Variants in SLC37A1 observed in about 807,000 individuals in gnomAD.
The protein encoded by SLC37A1 is solute carrier family 37 member 1.
Under a neutral mutation model 75.3 loss-of-function variants are expected in SLC37A1, and 49 were observed. The observed-to-expected ratio is 0.65, with a 90% CI of 0.52 to 0.83. The LOEUF (loss-of-function observed/expected upper bound fraction) is 0.83. Ranked by LOEUF, SLC37A1 falls within the 40% of genes least tolerant of loss-of-function variation. SLC37A1 has a pLI of 0.00. For synonymous variants in SLC37A1, 268 were observed against 292.1 expected, an observed-to-expected ratio of 0.92 and a Z score of 0.84; for missense variants, 566 against 695.0, an observed-to-expected ratio of 0.81 and a Z score of 2.09.
At chr21:42,560,739 GT>G (rs1432710626) in intron 11 of SLC37A1, among the ~76,000 whole-genome samples, 1 of 152,240 alleles carries the variant, frequency 6.6e-6, no homozygotes, top group Non-Finnish European at 1.5e-5. Context: ...CTGGGTTTAA[GT>G]AAAAAGATTT....
rs966106678 is a variant in SLC37A1 at position 42,552,242 on chromosome 21, T to C, written c.769-1820T>C. On this transcript the variant is annotated intron_variant, in intron 9 of 19. Transcript: ENST00000352133. The surrounding 1 kb of genome is among the most constrained non-coding windows in gnomAD (Gnocchi z 4.2). The stretch of plus-strand genomic sequence containing the variant: ...TTTTGTGCCCTAATCTAGGACCTCA[T>C]TGGGTCCAAAACCCTGTATCAGTTG... 1.3e-5 allele frequency among the ~76,000 whole-genome samples: 2 copies of C among 152,238 alleles called. No homozygotes were observed. Among genetic ancestry groups the C allele is most frequent in the African/African-American group, 4.8e-5 (2 of 41,470 alleles).
chr21:42,534,113 T>G (rs961274811), intron 3 of SLC37A1, among the ~76,000 whole-genome samples: 2 of 152,192 alleles, frequency 1.3e-5, no homozygotes, highest in African/African-American at 4.8e-5. Flanking sequence ...TGTCCCACAT[T>G]GTCCCCCTTT....
intron 17 of SLC37A1, among the ~76,000 whole-genome samples, chr21:42,569,856 C>T (rs971341280): frequency 2.6e-5 from 4 of 152,368 alleles, no homozygotes; most frequent in African/African-American, 9.6e-5. Flanking sequence ...GGGGCCCAGG[C>T]GGCTGACTGC....
chr21:42,556,420 A>T lies in SLC37A1; in HGVS notation c.849+2278A>T, dbSNP rs923141129. Among the ~76,000 whole-genome samples the T allele has an allele frequency of 2.6e-5, 4 of 152,192 alleles. No individual in the cohort carries two copies. In the South Asian group the frequency reaches 8.3e-4, roughly 32 times the overall value. On this transcript the variant is annotated intron_variant, in intron 10 of 19. Coordinates refer to ENST00000352133, the MANE Select transcript of SLC37A1 (RefSeq NM_001320537.2). ...GGGGACTCCACAAATCTCTCTTGTG[A>T]TGGCCTTTCCCAAAGGGAAGCTGCA...
At chr21:42,553,759 A>G (rs767786044) in intron 9 of SLC37A1, among the ~76,000 whole-genome samples, 9 of 151,860 alleles carry the variant, frequency 5.9e-5, no homozygotes, top group Non-Finnish European at 1.3e-4. Context: ...GTGCCTTTTC[A>G]TTTCAAAACC....
At chr21:42,530,635 CA>C (rs1568996964) in intron 3 of SLC37A1, among the ~76,000 whole-genome samples, 7 of 39,820 alleles carry the variant, frequency 1.8e-4, no homozygotes, top group South Asian at 6.5e-4. Context: ...CACACACACA[CA>C]CACACACACA....
intron 12 of SLC37A1, among the ~76,000 whole-genome samples, chr21:42,563,256 G>A (rs1042869172): frequency 6.6e-6 from 1 of 152,184 alleles, no homozygotes; most frequent in African/African-American, 2.4e-5. Context: ...TTGAACTGCT[G>A]ACATTTCCAG....
intron 5 of SLC37A1, among the ~76,000 whole-genome samples, chr21:42,537,003 G>A (rs138852290): frequency 5.3e-5 from 8 of 152,250 alleles, no homozygotes; most frequent in Admixed American, 2.0e-4. Flanking sequence ...GGTCTTTACC[G>A]CCTGGAGAAA....
chr21:42,535,640 G>A (rs1006895209), intron 5 of SLC37A1, 90 bp downstream of exon 5: 36 of 1,157,102 alleles, frequency 3.1e-5, no homozygotes, highest in East Asian at 1.4e-4. Context: ...GCACAGGCGC[G>A]CGGGATTGAG....
At chr21:42,513,410 T>C (rs111486343), upstream of SLC37A1, among the ~76,000 whole-genome samples, 1,229 of 152,294 alleles carry the variant, frequency 8.1e-3, 8 homozygotes, top group African/African-American at 0.012. Context: ...TTCATGATTG[T>C]GCCCCTTGAC....
At position 42,579,789 on chromosome 21, in the gene SLC37A1, G is replaced by C. The variant is rs768750689; in HGVS notation, c.1575G>C (p.Gly525=). 7 of 1,614,036 alleles carry C rather than the reference G, an allele frequency of 4.3e-6. No homozygotes were observed. Among genetic ancestry groups the C allele is most frequent in the Middle Eastern group, 1.6e-4 (1 of 6,084 alleles). ...KELSCPGSAT[G]DQVPFKEQ ...TGAGCTGCCCAGGGTCAGCTACGGG[G>C]GACCAAGTTCCGTAAGTCCCACTCG... Residue 525 remains glycine, a synonymous_variant, in exon 19 of 20, where the codon GGG becomes GGC. Coordinates refer to ENST00000352133, the MANE Select transcript of SLC37A1 (RefSeq NM_001320537.2).
chr21:42,536,439 C>G (rs2055139258), intron 5 of SLC37A1, among the ~76,000 whole-genome samples: 1 of 152,128 alleles, frequency 6.6e-6, no homozygotes, highest in Non-Finnish European at 1.5e-5. Context: ...GTGTGATTGG[C>G]TGATTAAAAA....
chr21:42,562,872 G>C (rs2146986033), intron 12 of SLC37A1, among the ~76,000 whole-genome samples: 1 of 152,286 alleles, frequency 6.6e-6, no homozygotes, highest in African/African-American at 2.4e-5. Flanking sequence ...GGCCGTCAGG[G>C]AGGGGCAGAA....
At chr21:42,505,611 C>G (rs1040103104) in intron 2 of SLC37A1, among the ~76,000 whole-genome samples, 20 of 152,170 alleles carry the variant, frequency 1.3e-4, no homozygotes, top group African/African-American at 4.8e-4. Flanking sequence ...CTTGTGGCTT[C>G]AGCCCCCAGC....
intron 5 of SLC37A1, among the ~76,000 whole-genome samples, chr21:42,536,685 G>A (rs1379003357): frequency 1.3e-5 from 2 of 152,220 alleles, no homozygotes; most frequent in East Asian, 3.8e-4. Flanking sequence ...CCTGTGAGAT[G>A]GGTTAGCAGT....
In SLC37A1 at chr21:42,554,105, A is replaced by T; in HGVS notation, c.812A>T (p.Gln271Leu). Residue 271 changes from glutamine to leucine, a missense_variant, in exon 10 of 20, where the codon CAG becomes CTG. Physicochemically the swap from Gln to Leu is moderately radical, Grantham distance 113. Coordinates refer to ENST00000352133, the MANE Select transcript of SLC37A1 (RefSeq NM_001320537.2). ...YENGTNRLRL[Q>L]KQILKSEKNK... ...AATGGTACAAACAGATTGAGACTCC[A>T]GAAGCAAATCTTGAAGAGCGAAAAG... 1 of 1,613,852 alleles carries T rather than the reference A, an allele frequency of 6.2e-7. No homozygotes were observed.
intron 17 of SLC37A1, among the ~76,000 whole-genome samples, chr21:42,569,504 TGCCGCACTCCCTC>T (rs1445747190): frequency 3.2e-4 from 6 of 18,852 alleles, no homozygotes; most frequent in East Asian, 1.9e-3. Context: ...CACTCCCTCG[TGCCGCACTCCCTC>T]GTGCCGCACT....
At position 42,568,357 on chromosome 21, in the gene SLC37A1, T is replaced by C; in HGVS notation, c.1345-3T>C. The stretch of plus-strand genomic sequence containing the variant: ...CTGCACGTCTGTTTTTCCTCTCTTC[T>C]AGGGGACTCATAAAAGTCTGAAAGG... On this transcript the variant is annotated splice_region_variant and splice_polypyrimidine_tract_variant and intron_variant, in intron 16 of 19. Transcript: ENST00000352133. 6.2e-7 allele frequency: 1 copy of C among 1,613,690 alleles called. No homozygotes were observed. The highest frequency in any genetic ancestry group is 8.5e-7 in the Non-Finnish European group (1 of 1,179,676).
At chr21:42,551,143 G>C (rs1464557439) in intron 9 of SLC37A1, among the ~76,000 whole-genome samples, 2 of 152,330 alleles carry the variant, frequency 1.3e-5, no homozygotes, top group African/African-American at 4.8e-5. Flanking sequence ...CAGATGACAT[G>C]ATCTTTTATA....
Sources: allele counts gnomAD v4.1 joint callset (sites outside exome capture counted in the v4.1 genomes callset), GRCh38; gene constraint gnomAD v4.1.1; non-coding constraint Gnocchi (gnomAD v3.1); transcripts MANE v1.5; gene names NCBI Gene and HGNC (gene_info 2026-07-23, HGNC 2026-07-21).